BAHD1: variants seen among roughly 807,000 people sequenced by gnomAD.
BAHD1 encodes bromo adjacent homology domain-containing 1 protein.
Under a neutral mutation model 63.1 loss-of-function variants are expected in BAHD1, and 20 were observed. That is an observed-to-expected ratio of 0.32 (90% confidence interval 0.22 to 0.46). The LOEUF is 0.46. Among genes scored for constraint, BAHD1 ranks in the 20% least tolerant of loss-of-function variants. The probability of loss-of-function intolerance (pLI) is 1.00; values close to 1 mark genes in which losing one functional copy is unlikely to be tolerated. For synonymous variants in BAHD1, 408 were observed against 426.8 expected, an observed-to-expected ratio of 0.96 and a Z score of 0.54; for missense variants, 939 against 1,071.8, an observed-to-expected ratio of 0.88 and a Z score of 1.73.
At chr15:40,450,742 C>T (rs992488607) in intron 1 of BAHD1, among the ~76,000 whole-genome samples, 1 of 152,168 alleles carries the variant, frequency 6.6e-6, no homozygotes, top group Non-Finnish European at 1.5e-5. Flanking sequence ...GGAGCCTTAG[C>T]CCAGAGTTAA....
intron 1 of BAHD1, among the ~76,000 whole-genome samples, chr15:40,448,668 C>T (rs1466249927): frequency 6.6e-6 from 1 of 152,148 alleles, no homozygotes; most frequent in Non-Finnish European, 1.5e-5. Flanking sequence ...TCCTAAGTAG[C>T]TGGGACTACA....
intron 1 of BAHD1, among the ~76,000 whole-genome samples, chr15:40,456,617 T>G (rs1893858038): frequency 6.6e-6 from 1 of 152,076 alleles, no homozygotes; most frequent in Non-Finnish European, 1.5e-5. Context: ...GGAGAGGAGG[T>G]GTCCAGTGAC....
chr15:40,459,821 G>A lies in BAHD1; in HGVS notation c.1357G>A (p.Gly453Arg), dbSNP rs138759345. The A allele has an allele frequency of 1.9e-4, 309 of 1,612,818 alleles. 1 individual carries two copies. In the Middle Eastern group the frequency reaches 7.1e-3, roughly 37 times the overall value. ...TGGAGTGAATGGCTACAGCATCTGC[G>A]GAGTGTTGCCCCTGTCTGTTACCCA... ...DTGVNGYSIC[G>R]VLPLSVTHAG... Residue 453 changes from glycine to arginine, a missense_variant, in exon 2 of 7, where the codon GGA becomes AGA. Gly to Arg is a moderately radical substitution (Grantham distance 125). Coordinates refer to ENST00000416165, the MANE Select transcript of BAHD1 (RefSeq NM_014952.5).
At chr15:40,464,930 C>T (rs1894157444) in intron 5 of BAHD1, 3 of 381,758 alleles carry the variant, frequency 7.9e-6, no homozygotes, top group Middle Eastern at 7.6e-4. Flanking sequence ...TCCTAACACC[C>T]CATAGGCTCT....
At position 40,461,964 on chromosome 15, in the gene BAHD1, C is replaced by T. The variant is rs1220274814; in HGVS notation, c.1485C>T (p.His495=). 6.2e-7 allele frequency: 1 copy of T among 1,611,160 alleles called. No homozygotes were observed. The highest frequency in any genetic ancestry group is 1.1e-5 in the South Asian group (1 of 90,956). ...QLEFPLPEAG[H]PASPAHPLLG... is the part of the protein sequence containing the mutation. Reference sequence around the variant, plus strand: ...AATTTCCTCTCCCGGAAGCTGGCCACCCAGCCTCACCCGCCCACCCACTCC... The same window carrying T: ...AATTTCCTCTCCCGGAAGCTGGCCATCCAGCCTCACCCGCCCACCCACTCC... Residue 495 remains histidine (H), a synonymous_variant, in exon 3 of 7, where the codon CAC becomes CAT. Coordinates refer to ENST00000416165, the MANE Select transcript of BAHD1 (RefSeq NM_014952.5).
Position 40,465,454 on chromosome 15 carries a change from C to G in BAHD1, c.2153+19C>G, listed in dbSNP as rs772505158. 6.3e-7 allele frequency: 1 copy of G among 1,594,474 alleles called. No homozygotes were observed. Among genetic ancestry groups the G allele is most frequent in the South Asian group, 1.1e-5 (1 of 90,646 alleles). ...ACTGCAGGTAGGTGGTTCCCTGCAC[C>G]CTCTGGCTGGCCTCTTCCCTCAGGC... On this transcript the variant is annotated intron_variant, in intron 6 of 6. Coordinates refer to ENST00000416165, the MANE Select transcript of BAHD1 (RefSeq NM_014952.5).
chr15:40,465,641 A>G (rs1417139169), intron 6 of BAHD1, among the ~76,000 whole-genome samples: 2 of 152,262 alleles, frequency 1.3e-5, no homozygotes, highest in East Asian at 3.8e-4. Flanking sequence ...TTGTGTTGCC[A>G]CACTGAGGTA....
intron 2 of BAHD1, among the ~76,000 whole-genome samples, chr15:40,461,594 A>G (rs1445785107): frequency 6.6e-6 from 1 of 151,840 alleles, no homozygotes; most frequent in Admixed American, 6.6e-5. Context: ...GAGCCAAGAT[A>G]GCACCACTGC....
intron 6 of BAHD1, among the ~76,000 whole-genome samples, chr15:40,465,739 C>G (rs1271530745): frequency 6.6e-6 from 1 of 152,164 alleles, no homozygotes; most frequent in Non-Finnish European, 1.5e-5. Context: ...GAGGCCCTGG[C>G]AAGTGTGGTT....
rs144573633 is a variant in BAHD1 at position 40,459,787 on chromosome 15, C to G, written c.1323C>G (p.Ser441Arg). The G allele has an allele frequency of 6.2e-7, 1 of 1,613,822 alleles. No homozygotes were observed. Among genetic ancestry groups the G allele is most frequent in the Non-Finnish European group, 8.5e-7 (1 of 1,180,016 alleles). The change falls in exon 2 of 7, where the codon AGC becomes AGG. Residue 441 changes from serine to arginine, a missense_variant. Ser to Arg is a moderately radical substitution (Grantham distance 110). Around this residue, in one of 5 missense-constraint regions of BAHD1, gnomAD observed 797 missense variants for 813.3 expected, o/e 0.98. Transcript: ENST00000416165. ...PPWGSSRYCS[S>R]EDTGVNGYSI... ...GGGGCTCCTCTCGCTACTGCTCTAG[C>G]GAGGACACTGGAGTGAATGGCTACA...
At position 40,467,705 on chromosome 15, in the gene BAHD1, C is replaced by G. The variant is rs1894254199; in HGVS notation, c.*1575C>G. 1 of 152,668 alleles carries G rather than the reference C, an allele frequency of 6.6e-6. No individual in the cohort carries two copies. The highest frequency in any genetic ancestry group is 2.4e-5 in the African/African-American group (1 of 41,436). 9.5% of individuals were successfully genotyped at this position (152,668 alleles called of 1,614,324 possible). Reference sequence around the variant, plus strand: ...TGGAGGCTTCAGAGGTGAATTTATGCTTGGGAAGCCTGATCCCAAACCTGA... The same window carrying G: ...TGGAGGCTTCAGAGGTGAATTTATGGTTGGGAAGCCTGATCCCAAACCTGA... On this transcript the variant is annotated 3_prime_UTR_variant, in exon 7 of 7. Transcript: ENST00000416165.
upstream of BAHD1, among the ~76,000 whole-genome samples, chr15:40,437,507 A>G (rs557576705): frequency 6.6e-6 from 1 of 152,232 alleles, no homozygotes; most frequent in East Asian, 1.9e-4. Flanking sequence ...GCCGCATTTA[A>G]TTGTTGCCTT....
intron 1 of BAHD1, among the ~76,000 whole-genome samples, chr15:40,448,019 G>A (rs772748653): frequency 6.6e-6 from 1 of 152,076 alleles, no homozygotes; most frequent in Non-Finnish European, 1.5e-5. Context: ...GGAGGCAGGC[G>A]GATCACGAGG....
At chr15:40,463,344 G>A in intron 3 of BAHD1, among the ~76,000 whole-genome samples, 1 of 152,190 alleles carries the variant, frequency 6.6e-6, no homozygotes, top group African/African-American at 2.4e-5. Context: ...AATTTATTGA[G>A]CACTTCTTAG....
intron 1 of BAHD1, among the ~76,000 whole-genome samples, chr15:40,452,844 T>C (rs1893745516): frequency 6.6e-6 from 1 of 152,206 alleles, no homozygotes; most frequent in Admixed American, 6.5e-5. Flanking sequence ...CCCGGCCCTC[T>C]TGCTGAGTTG....
upstream of BAHD1, among the ~76,000 whole-genome samples, chr15:40,439,070 T>TG (rs1023207770): frequency 1.6e-4 from 25 of 151,928 alleles, no homozygotes; most frequent in Non-Finnish European, 2.6e-4. Flanking sequence ...TGGTGTGTGT[T>TG]GGGGGGGCGC....
chr15:40,455,462 G>C (rs1016299026), intron 1 of BAHD1, among the ~76,000 whole-genome samples: 1 of 152,176 alleles, frequency 6.6e-6, no homozygotes, highest in African/African-American at 2.4e-5. Flanking sequence ...CTCTCTGCTT[G>C]GGACTTCTGT....
chr15:40,458,000 CAAAAAAAG>C (rs1893899419), intron 1 of BAHD1, among the ~76,000 whole-genome samples: 2 of 151,416 alleles, frequency 1.3e-5, no homozygotes, highest in South Asian at 2.1e-4. Flanking sequence ...CTCCGTCTCT[CAAAAAAAG>C]AAAAAAAGAA....
At chr15:40,440,219 G>A (rs1893360781), upstream of BAHD1, among the ~76,000 whole-genome samples, 1 of 152,154 alleles carries the variant, frequency 6.6e-6, no homozygotes, top group Admixed American at 6.5e-5. Context: ...TAGGTGAAGG[G>A]CAGAAAGAGG....
Sources: allele counts gnomAD v4.1 joint callset (sites outside exome capture counted in the v4.1 genomes callset), GRCh38; gene constraint gnomAD v4.1.1; regional missense constraint gnomAD v4.1.1; transcripts MANE v1.5; gene names NCBI Gene and HGNC (gene_info 2026-07-23, HGNC 2026-07-21).